Variants in TENM3 observed in about 807,000 individuals in gnomAD.
The protein encoded by TENM3 is teneurin transmembrane protein 3.
Under a neutral mutation model 255.1 loss-of-function variants are expected in TENM3, and 63 were observed. The observed-to-expected ratio is 0.25, with a 90% CI of 0.20 to 0.30. The LOEUF (loss-of-function observed/expected upper bound fraction) is 0.30, where lower values mean the gene tolerates loss of function less well. Among genes scored for constraint, TENM3 ranks in the 10% least tolerant of loss-of-function variants. The pLI, the probability that TENM3 is intolerant of heterozygous loss-of-function variation, is 1.00. For missense variants in TENM3, 2,929 were observed against 3,461.1 expected (o/e 0.85, Z 3.86); for synonymous variants, 1,306 against 1,322.3 (o/e 0.99, Z 0.27).
intron 6 of TENM3, among the ~76,000 whole-genome samples, chr4:182,666,555 C>A (rs1294162905): frequency 6.6e-6 from 1 of 152,148 alleles, no homozygotes; most frequent in Non-Finnish European, 1.5e-5. Flanking sequence ...TGATCGGTAG[C>A]ATTTTTTAGC....
At chr4:181,731,641 T>C in the TENM3 span, among the ~76,000 whole-genome samples, 1 of 152,178 alleles carries the variant, frequency 6.6e-6, no homozygotes, top group African/African-American at 2.4e-5. Flanking sequence ...AAATGCCTAC[T>C]CTGTTCAAGA....
At chr4:181,909,207 G>C in the TENM3 span, among the ~76,000 whole-genome samples, 1 of 152,188 alleles carries the variant, frequency 6.6e-6, no homozygotes, top group Non-Finnish European at 1.5e-5. Context: ...ATAAACAATG[G>C]AGAGAGTCAG....
At chr4:182,052,827 A>G in the TENM3 span, among the ~76,000 whole-genome samples, 2 of 152,050 alleles carry the variant, frequency 1.3e-5, no homozygotes. Flanking sequence ...TCTCCACATA[A>G]ATATTTTTAT....
chr4:181,864,243 G>C, the TENM3 span, among the ~76,000 whole-genome samples: 1 of 152,170 alleles, frequency 6.6e-6, no homozygotes, highest in Non-Finnish European at 1.5e-5. Flanking sequence ...TATCAGTTCT[G>C]TCCATCAGGC....
intron 3 of TENM3, among the ~76,000 whole-genome samples, chr4:182,560,858 A>G (rs1743090157): frequency 6.7e-6 from 1 of 150,014 alleles, no homozygotes; most frequent in Non-Finnish European, 1.5e-5. Context: ...GGGCAAAGAT[A>G]CAACTCCTCA....
intron 3 of TENM3, among the ~76,000 whole-genome samples, chr4:182,423,490 G>A (rs1034056654): frequency 1.3e-5 from 2 of 152,026 alleles, no homozygotes; most frequent in African/African-American, 2.4e-5. Flanking sequence ...GAAAAATTGT[G>A]CTCACTCCTG....
the TENM3 span, among the ~76,000 whole-genome samples, chr4:182,037,209 G>A: frequency 6.7e-6 from 1 of 150,330 alleles, no homozygotes; most frequent in Admixed American, 6.6e-5. Flanking sequence ...GTGCAGTGGT[G>A]CAATCTCAGC....
At chr4:181,952,759 A>G in the TENM3 span, among the ~76,000 whole-genome samples, 1 of 152,258 alleles carries the variant, frequency 6.6e-6, no homozygotes, top group Non-Finnish European at 1.5e-5. Context: ...GAAGGGCCTC[A>G]GATTCGGAGA....
intron 12 of TENM3, among the ~76,000 whole-genome samples, chr4:182,690,043 C>T (rs1215327031): frequency 6.6e-6 from 1 of 152,190 alleles, no homozygotes; most frequent in African/African-American, 2.4e-5. Context: ...AATTCCAACT[C>T]TCCTAAGAAG....
chr4:181,496,504 A>T, the TENM3 span, among the ~76,000 whole-genome samples: 1 of 152,168 alleles, frequency 6.6e-6, no homozygotes, highest in Admixed American at 6.5e-5. Flanking sequence ...ATAAAATAAA[A>T]TTATTTTAAC....
At chr4:181,506,545 A>G in the TENM3 span, among the ~76,000 whole-genome samples, 1 of 151,942 alleles carries the variant, frequency 6.6e-6, no homozygotes, top group African/African-American at 2.4e-5. Flanking sequence ...GATGGGGAAA[A>G]CCGAGATACG....
chr4:181,918,946 G>A, the TENM3 span, among the ~76,000 whole-genome samples: 1 of 152,276 alleles, frequency 6.6e-6, no homozygotes, highest in Admixed American at 6.5e-5. Context: ...TTAATAGGAT[G>A]TTAACTTTGT....
intron 19 of TENM3, chr4:182,744,093 CTTTTTTTTTTTT>C (rs957977132): frequency 1.5e-5 from 7 of 451,898 alleles, no homozygotes; most frequent in Admixed American, 1.2e-4. Flanking sequence ...ACTGTGCTTT[CTTTTTTTTTTTT>C]TTTTTTTTTT....
At chr4:181,649,048 T>C in the TENM3 span, among the ~76,000 whole-genome samples, 1 of 152,344 alleles carries the variant, frequency 6.6e-6, no homozygotes, top group East Asian at 1.9e-4. Flanking sequence ...ATCATTATCA[T>C]TCGGGGCAGT....
chr4:181,646,224 T>C, the TENM3 span, among the ~76,000 whole-genome samples: 2 of 152,358 alleles, frequency 1.3e-5, no homozygotes, highest in African/African-American at 2.4e-5. Flanking sequence ...TGCTCACATC[T>C]ACCTTCCTTT....
chr4:182,717,513 A>G, intron 13 of TENM3, among the ~76,000 whole-genome samples: 1 of 152,208 alleles, frequency 6.6e-6, no homozygotes, highest in South Asian at 2.1e-4. Context: ...TGAAATCAGT[A>G]AGGTATCCCC....
chr4:182,606,804 G>A (rs1373519286), intron 4 of TENM3, among the ~76,000 whole-genome samples: 2 of 152,154 alleles, frequency 1.3e-5, no homozygotes, highest in African/African-American at 4.8e-5. Flanking sequence ...TGGGCGTCAC[G>A]CCAATAATTA....
chr4:182,317,942 T>C (rs991026656), intron 1 of TENM3, among the ~76,000 whole-genome samples: 2 of 152,142 alleles, frequency 1.3e-5, no homozygotes, highest in African/African-American at 4.8e-5. Flanking sequence ...ATACTAACAT[T>C]AGTGAAAATA....
At chr4:182,426,402 C>T (rs1428511036) in intron 3 of TENM3, among the ~76,000 whole-genome samples, 1 of 152,096 alleles carries the variant, frequency 6.6e-6, no homozygotes, top group Non-Finnish European at 1.5e-5. Flanking sequence ...ACCTAAAGAC[C>T]ATTAAGATAG....
Sources: gnomAD v4.1 joint callset for allele counts (sites outside exome capture counted in the v4.1 genomes callset) on GRCh38, gnomAD v4.1.1 for gene constraint, MANE v1.5 for transcripts, NCBI Gene and HGNC (gene_info 2026-07-23, HGNC 2026-07-21) for gene names.